The following CFAP95 variants were observed in gnomAD, a reference collection of about 807,000 sequenced individuals.
The protein encoded by CFAP95 is cilia- and flagella-associated protein 95.
At chr9:69,894,908 A>G in the CFAP95 span, among the ~76,000 whole-genome samples, 1 of 152,012 alleles carries the variant, frequency 6.6e-6, no homozygotes, top group African/African-American at 2.4e-5. Flanking sequence ...CTAAACATAC[A>G]AAAGATTAGT....
At chr9:69,895,193 A>G in the CFAP95 span, among the ~76,000 whole-genome samples, 1 of 152,256 alleles carries the variant, frequency 6.6e-6, no homozygotes, top group African/African-American at 2.4e-5. Flanking sequence ...AGTGGGGCTC[A>G]TTGAATCAGT....
At chr9:69,829,301 C>T in the CFAP95 span, among the ~76,000 whole-genome samples, 1 of 152,260 alleles carries the variant, frequency 6.6e-6, no homozygotes, top group East Asian at 1.9e-4. Context: ...CATTTTTCTT[C>T]CAGTGCTGTT....
chr9:69,886,905 A>G, the CFAP95 span: 1 of 1,606,814 alleles, frequency 6.2e-7, no homozygotes, highest in South Asian at 1.1e-5. Flanking sequence ...TGTGAGTACA[A>G]GAACCGTAGT....
chr9:69,868,781 A>G, the CFAP95 span, among the ~76,000 whole-genome samples: 5 of 151,582 alleles, frequency 3.3e-5, no homozygotes, highest in South Asian at 1.0e-3. Context: ...TCCAAAATTT[A>G]CAAGGAACTC....
At chr9:69,898,894 A>G in the CFAP95 span, among the ~76,000 whole-genome samples, 2 of 150,082 alleles carry the variant, frequency 1.3e-5, no homozygotes, top group South Asian at 2.1e-4. Flanking sequence ...CCCCACCCCC[A>G]TGTCTTTCTA....
At chr9:69,891,040 C>T in the CFAP95 span, among the ~76,000 whole-genome samples, 1 of 152,196 alleles carries the variant, frequency 6.6e-6, no homozygotes, top group Non-Finnish European at 1.5e-5. Context: ...GTACCTCCAT[C>T]ATTTCCCAAA....
the CFAP95 span, among the ~76,000 whole-genome samples, chr9:69,898,153 T>C: frequency 6.6e-6 from 1 of 152,176 alleles, no homozygotes; most frequent in Non-Finnish European, 1.5e-5. Flanking sequence ...AGAGGTTAAT[T>C]GACATTGTTG....
the CFAP95 span, among the ~76,000 whole-genome samples, chr9:69,836,709 T>TTTTA: frequency 1.1e-3 from 153 of 145,114 alleles, 1 homozygote; most frequent in East Asian, 3.3e-3. Context: ...TTTTTTTACA[T>TTTTA]TTTATTTATT....
the CFAP95 span, among the ~76,000 whole-genome samples, chr9:69,882,246 G>A: frequency 6.6e-6 from 1 of 152,094 alleles, no homozygotes; most frequent in Non-Finnish European, 1.5e-5. Flanking sequence ...CTCCTAAAAT[G>A]CTGGGGGCAT....
At chr9:69,860,567 C>T in the CFAP95 span, among the ~76,000 whole-genome samples, 1 of 150,960 alleles carries the variant, frequency 6.6e-6, no homozygotes, top group South Asian at 2.1e-4. Flanking sequence ...AAGAAATTTA[C>T]CTTAGCTTGT....
chr9:69,864,399 T>TAGGATA, the CFAP95 span, among the ~76,000 whole-genome samples: 7 of 152,054 alleles, frequency 4.6e-5, no homozygotes. Flanking sequence ...ATAGGAAACC[T>TAGGATA]GGGTTCTACT....
At chr9:69,900,914 G>A in the CFAP95 span, among the ~76,000 whole-genome samples, 1 of 151,970 alleles carries the variant, frequency 6.6e-6, no homozygotes, top group Non-Finnish European at 1.5e-5. Context: ...TGTGCACAAC[G>A]TGCAAGTTTG....
chr9:69,869,613 A>G, the CFAP95 span, among the ~76,000 whole-genome samples: 1 of 152,266 alleles, frequency 6.6e-6, no homozygotes, highest in Non-Finnish European at 1.5e-5. Context: ...TTCTTATCGC[A>G]AAAAAGGTAA....
chr9:69,888,111 T>C, the CFAP95 span, among the ~76,000 whole-genome samples: 34 of 152,186 alleles, frequency 2.2e-4, no homozygotes, highest in Non-Finnish European at 8.8e-5. Context: ...ACCAAATTTA[T>C]AAGTTTAATA....
chr9:69,843,616 TTCTTCTTCTTCTTCC>T, the CFAP95 span, among the ~76,000 whole-genome samples: 1,689 of 70,470 alleles, frequency 0.024, 192 homozygotes, highest in Middle Eastern at 0.041. Flanking sequence ...CTTCTTCTTC[TTCTTCTTCTTCTTCC>T]TCCTCCTCCT....
At chr9:69,897,355 G>A in the CFAP95 span, among the ~76,000 whole-genome samples, 1 of 152,108 alleles carries the variant, frequency 6.6e-6, no homozygotes. Flanking sequence ...GTGGACGCAA[G>A]GTTAGTTTGC....
the CFAP95 span, chr9:69,844,650 T>G: frequency 1.3e-6 from 2 of 1,519,092 alleles, no homozygotes; most frequent in East Asian, 2.3e-5. Flanking sequence ...TTACTTCGTT[T>G]GAAGTCTGAA....
the CFAP95 span, among the ~76,000 whole-genome samples, chr9:69,858,609 T>C: frequency 6.6e-6 from 1 of 152,022 alleles, no homozygotes; most frequent in Non-Finnish European, 1.5e-5. Flanking sequence ...AGGTGATAAA[T>C]CAAAAAATAA....
chr9:69,879,992 T>C, the CFAP95 span, among the ~76,000 whole-genome samples: 2 of 151,994 alleles, frequency 1.3e-5, no homozygotes, highest in Non-Finnish European at 2.9e-5. Context: ...TATTTTTTAT[T>C]ATTTTATGTT....
Sources: gnomAD v4.1 joint callset for allele counts (sites outside exome capture counted in the v4.1 genomes callset) on GRCh38, gnomAD v4.1.1 for gene constraint, MANE v1.5 for transcripts, NCBI Gene and HGNC (gene_info 2026-07-23, HGNC 2026-07-21) for gene names.